The following ELOVL1 variants were observed in gnomAD, a reference collection of about 807,000 sequenced individuals.
ELOVL1 encodes very long chain fatty acid elongase 1.
A neutral mutation model predicts 37.8 loss-of-function variants in ELOVL1; 10 were observed. The ratio of observed to expected loss-of-function variants is 0.26; its 90% CI spans 0.16 to 0.45. The LOEUF (loss-of-function observed/expected upper bound fraction) is 0.45. ELOVL1 is among the 20% of genes least tolerant of loss of function. The pLI, the probability that ELOVL1 is intolerant of heterozygous loss-of-function variation, is 1.00. For synonymous variants in ELOVL1, 133 were observed against 123.8 expected (o/e 1.07, Z -0.49); for missense variants, 256 against 352.7 (o/e 0.73, Z 2.20).
intron 3 of ELOVL1, 78 bp from the exon 4 acceptor site, chr1:43,365,086 A>C: frequency 6.3e-7 from 1 of 1,595,014 alleles, no homozygotes; most frequent in East Asian, 2.3e-5. Context: ...GAGGACATGG[A>C]TCTGAACCTC....
At position 43,365,631 on chromosome 1, in the gene ELOVL1, G is replaced by A. The variant is rs1647220378; in HGVS notation, c.-14-8C>T. On this transcript the variant is annotated splice_region_variant and splice_polypyrimidine_tract_variant and intron_variant, in intron 1 of 7. Coordinates refer to ENST00000372458, the MANE Select transcript of ELOVL1 (RefSeq NM_022821.4). ...CCATCCTGGCTAAGGACTCTGGGGA[G>A]GTACAGAGGGCGGATGTCAGACAGA... is the stretch of plus-strand genomic sequence containing the variant. The A allele has an allele frequency of 6.2e-7, 1 of 1,614,064 alleles. No homozygotes were observed. Among genetic ancestry groups the A allele is most frequent in the Non-Finnish European group, 8.5e-7 (1 of 1,179,964 alleles).
rs1647207757 is a variant in ELOVL1 at position 43,365,015 on chromosome 1, A to T, written c.238-7T>A. The T allele has an allele frequency of 2.5e-6, 4 of 1,612,488 alleles. No individual in the cohort carries two copies. Among genetic ancestry groups the T allele is most frequent in the African/African-American group, 1.3e-5 (1 of 74,982 alleles). ...GCCAGCCCGACATCAGGAACTGGGA[A>T]GGGATGTGGATTAGACCACCAGAGT... On this transcript the variant is annotated splice_polypyrimidine_tract_variant and splice_region_variant and intron_variant, in intron 3 of 7. Coordinates refer to ENST00000372458, the MANE Select transcript of ELOVL1 (RefSeq NM_022821.4).
chr1:43,364,726 A>C lies in ELOVL1; in HGVS notation c.375+12T>G. 1 of 1,614,190 alleles carries C rather than the reference A, an allele frequency of 6.2e-7. No homozygotes were observed. Among genetic ancestry groups the C allele is most frequent in the South Asian group, 1.1e-5 (1 of 91,090 alleles). On this transcript the variant is annotated intron_variant, in intron 5 of 7. Transcript: ENST00000372458. The surrounding 1 kb of genome is among the most constrained non-coding windows in gnomAD (Gnocchi z 5.2). ...CTCCCCTCAAGTTCTCACATCTCAT[A>C]TAACTACTCACTGTGTCCATCAGCT...
At position 43,364,390 on chromosome 1, in the gene ELOVL1, T is replaced by C; in HGVS notation, c.552A>G (p.Leu184=). ...VHVIMYLYYG[L]SAFGPVAQPY... ...GTTGTGCCACAGGGCCAAAGGCAGA[T>C]AATCCGTAGTACAGGTACATTATGA... is the stretch of plus-strand genomic sequence containing the variant. Residue 184 remains leucine (L), a synonymous_variant, in exon 7 of 8, where the codon TTA becomes TTG. Transcript: ENST00000372458. The surrounding 1 kb of genome is among the most constrained non-coding windows in gnomAD (Gnocchi z 5.2). The C allele has an allele frequency of 6.2e-7, 1 of 1,614,160 alleles. No homozygotes were observed.
rs372744275 is a variant in ELOVL1, at chr1:43,364,254, T to G, written c.618+70A>C. 3.1e-6 allele frequency: 5 copies of G among 1,611,732 alleles called. No homozygotes were observed. Among genetic ancestry groups the G allele is most frequent in the African/African-American group, 2.7e-5 (2 of 74,772 alleles). On this transcript the variant is annotated intron_variant, in intron 7 of 7. Coordinates refer to ENST00000372458, the MANE Select transcript of ELOVL1 (RefSeq NM_022821.4). The surrounding 1 kb of genome is among the most constrained non-coding windows in gnomAD (Gnocchi z 5.2). ...AGATGGGGTCAAAGGTGAGACAGACTGGATAAAGGCAGGATCCAGGCTAGG... is the reference window on the plus strand; with the variant it reads ...AGATGGGGTCAAAGGTGAGACAGACGGGATAAAGGCAGGATCCAGGCTAGG...
In ELOVL1 at chr1:43,363,674, C is replaced by A; in HGVS notation, c.*242G>T. On this transcript the variant is annotated 3_prime_UTR_variant, in exon 8 of 8. Transcript: ENST00000372458. ...GAAATAACTGTACAGCCCTTTTAGCCCCCAGCTCTGGAGTGGCAGACAGCA... is the reference window on the plus strand; with the variant it reads ...GAAATAACTGTACAGCCCTTTTAGCACCCAGCTCTGGAGTGGCAGACAGCA... 1 of 551,614 alleles carries A rather than the reference C, an allele frequency of 1.8e-6. No individual in the cohort carries two copies. The allele number at this position is 551,614 out of a possible 1,614,324, so 34.2% of individuals were successfully genotyped here.
chr1:43,365,990 C>T (rs928477135), intron 1 of ELOVL1, among the ~76,000 whole-genome samples: 2 of 152,078 alleles, frequency 1.3e-5, no homozygotes, highest in African/African-American at 4.8e-5. Flanking sequence ...TGAACTCCGT[C>T]TCCCTTCCTC....
chr1:43,366,462 G>C (rs1056449956), intron 1 of ELOVL1: 1 of 154,600 alleles, frequency 6.5e-6, no homozygotes, highest in Non-Finnish European at 1.4e-5. Context: ...GTCAGTGCCT[G>C]GGGGAGCAGG....
At position 43,363,691 on chromosome 1, in the gene ELOVL1, C is replaced by G; in HGVS notation, c.*225G>C. 1 of 569,360 alleles carries G rather than the reference C, an allele frequency of 1.8e-6. No individual in the cohort carries two copies. Among genetic ancestry groups the G allele is most frequent in the Non-Finnish European group, 3.1e-6 (1 of 318,550 alleles). The allele number at this position is 569,360 out of a possible 1,614,324, so 35.3% of individuals were successfully genotyped here. A position where few individuals can be genotyped will look rare whatever the true frequency, so the allele number is the denominator to read the frequency against. ...CTTTTAGCCCCCAGCTCTGGAGTGG[C>G]AGACAGCAATGAGGCCACATCCCTG... On this transcript the variant is annotated 3_prime_UTR_variant, in exon 8 of 8. Coordinates refer to ENST00000372458, the MANE Select transcript of ELOVL1 (RefSeq NM_022821.4).
chr1:43,364,983 G>T lies in ELOVL1; in HGVS notation c.263C>A (p.Thr88Asn). The change falls in exon 4 of 8, where the codon ACC (threonine) becomes AAC (asparagine). Residue 88 changes from threonine (T) to asparagine (N), a missense_variant. Physicochemically the swap from Thr to Asn is moderately conservative, Grantham distance 65. Around this residue, in one of 3 missense-constraint regions of ELOVL1, gnomAD observed 158 missense variants for 189.4 expected, o/e 0.83. Coordinates refer to ENST00000372458, the MANE Select transcript of ELOVL1 (RefSeq NM_022821.4). This position sits in a 1 kb window ranked among gnomAD's most constrained non-coding sequence, Gnocchi z 5.2. ...YEFLMSGWLS[T>N]YTWRCDPVDY... ...CACAGGGTCACAGCGCCAGGTATAG[G>T]TGCTCAGCCAGCCCGACATCAGGAA... 1 of 1,613,860 alleles carries T rather than the reference G, an allele frequency of 6.2e-7. No individual in the cohort carries two copies. Among genetic ancestry groups the T allele is most frequent in the East Asian group, 2.2e-5 (1 of 44,864 alleles).
chr1:43,364,478 GAC>G lies in ELOVL1; in HGVS notation c.482-20_482-19del. 9.3e-6 allele frequency: 15 copies of G among 1,614,056 alleles called. No individual in the cohort carries two copies. The highest frequency in any genetic ancestry group is 1.2e-5 in the Non-Finnish European group (14 of 1,179,968). ...CATTCCTCCTGTGAGTGGACAATAA[GAC>G]AGGGTCAGCAGAGTCCAGCCTCTGG... is the stretch of plus-strand genomic sequence containing the variant. On this transcript the variant is annotated intron_variant, in intron 6 of 7. Coordinates refer to ENST00000372458, the MANE Select transcript of ELOVL1 (RefSeq NM_022821.4). The surrounding 1 kb of genome is among the most constrained non-coding windows in gnomAD (Gnocchi z 5.2).
At position 43,363,718 on chromosome 1, in the gene ELOVL1, A is replaced by AGCT; in HGVS notation, c.*195_*197dup. ...GACAGCAATGAGGCCACATCCCTGG[A>AGCT]GCTGCCCGGGGGAAGTGGGTGAGGA... On this transcript the variant is annotated 3_prime_UTR_variant, in exon 8 of 8. Transcript: ENST00000372458. 1.7e-6 allele frequency: 1 copy of AGCT among 594,290 alleles called. No homozygotes were observed. Among genetic ancestry groups the AGCT allele is most frequent in the Non-Finnish European group, 3.0e-6 (1 of 335,190 alleles). 36.8% of individuals were successfully genotyped at this position (594,290 alleles called of 1,614,324 possible).
At position 43,364,285 on chromosome 1, in the gene ELOVL1, G is replaced by A. The variant is rs746756197; in HGVS notation, c.618+39C>T. 5 of 1,613,606 alleles carry A rather than the reference G, an allele frequency of 3.1e-6. No homozygotes were observed. The highest frequency in any genetic ancestry group is 1.1e-5 in the South Asian group (1 of 91,034). On this transcript the variant is annotated intron_variant, in intron 7 of 7. Transcript: ENST00000372458. This position sits in a 1 kb window ranked among gnomAD's most constrained non-coding sequence, Gnocchi z 5.2. ...AAGGCAGGATCCAGGCTAGGAATGT[G>A]GGGGGATGGTTATAGGTAAGTCAGG...
In ELOVL1 at chr1:43,364,266, G is replaced by A. The variant is rs1345074310; in HGVS notation, c.618+58C>T. On this transcript the variant is annotated intron_variant, in intron 7 of 7. Coordinates refer to ENST00000372458, the MANE Select transcript of ELOVL1 (RefSeq NM_022821.4). The surrounding 1 kb of genome is among the most constrained non-coding windows in gnomAD (Gnocchi z 5.2). Reference sequence around the variant, plus strand: ...AGGTGAGACAGACTGGATAAAGGCAGGATCCAGGCTAGGAATGTGGGGGGA... The same window carrying A: ...AGGTGAGACAGACTGGATAAAGGCAAGATCCAGGCTAGGAATGTGGGGGGA... 6.2e-7 allele frequency: 1 copy of A among 1,612,858 alleles called. No individual in the cohort carries two copies. Among genetic ancestry groups the A allele is most frequent in the Non-Finnish European group, 8.5e-7 (1 of 1,179,502 alleles).
Position 43,365,389 on chromosome 1 carries a change from G to A in ELOVL1, c.47-13C>T. ...TGGATCCGGGGATCTATGAATAAGG[G>A]TCAAAGGAATCAGGAAGAGTCACAG... is the stretch of plus-strand genomic sequence containing the variant. On this transcript the variant is annotated splice_polypyrimidine_tract_variant and intron_variant, in intron 2 of 7. Transcript: ENST00000372458. 6.2e-7 allele frequency: 1 copy of A among 1,610,088 alleles called. No homozygotes were observed. The highest frequency in any genetic ancestry group is 1.1e-5 in the South Asian group (1 of 90,720).
Position 43,363,773 on chromosome 1 carries a change from G to T in ELOVL1, c.*143C>A. 1.4e-6 allele frequency: 1 copy of T among 724,002 alleles called. No individual in the cohort carries two copies. Among genetic ancestry groups the T allele is most frequent in the Non-Finnish European group, 2.3e-6 (1 of 433,922 alleles). 44.8% of individuals were successfully genotyped at this position (724,002 alleles called of 1,614,324 possible). On this transcript the variant is annotated 3_prime_UTR_variant, in exon 8 of 8. Coordinates refer to ENST00000372458, the MANE Select transcript of ELOVL1 (RefSeq NM_022821.4). ...AAGCCGTGGTCCCTGTAGAGCAGCT[G>T]TGGGGAGGGGAGGGCCAGTCCCCTG...
At position 43,363,555 on chromosome 1, in the gene ELOVL1, T is replaced by C; in HGVS notation, c.*361A>G. ...TGAGACTGGGTCCACAGTGACATTA[T>C]TGCTGACCTCTTCTGTGTGAGGAAA... is the stretch of plus-strand genomic sequence containing the variant. On this transcript the variant is annotated 3_prime_UTR_variant, in exon 8 of 8. Transcript: ENST00000372458. The C allele has an allele frequency of 2.6e-6, 1 of 383,038 alleles. No homozygotes were observed. Among genetic ancestry groups the C allele is most frequent in the Non-Finnish European group, 4.8e-6 (1 of 207,918 alleles). The allele number at this position is 383,038 out of a possible 1,614,324, so 23.7% of individuals were successfully genotyped here.
intron 1 of ELOVL1, among the ~76,000 whole-genome samples, chr1:43,365,912 C>T (rs1355125606): frequency 6.6e-6 from 1 of 152,010 alleles, no homozygotes; most frequent in Non-Finnish European, 1.5e-5. Flanking sequence ...CCCTCTTCCT[C>T]CACAAGATAA....
rs1647194692 is a variant in ELOVL1, at chr1:43,364,218, T to C, written c.619-81A>G. The C allele has an allele frequency of 6.2e-7, 1 of 1,608,266 alleles. No individual in the cohort carries two copies. Among genetic ancestry groups the C allele is most frequent in the Admixed American group, 1.7e-5 (1 of 59,752 alleles). ...AGGGGGTAGAGAAAGAGACAAACGT[T>C]GAGTAGGGAGAGATGGGGTCAAAGG... On this transcript the variant is annotated intron_variant, in intron 7 of 7. Coordinates refer to ENST00000372458, the MANE Select transcript of ELOVL1 (RefSeq NM_022821.4). The surrounding 1 kb of genome is among the most constrained non-coding windows in gnomAD (Gnocchi z 5.2).
Sources: gnomAD v4.1 joint callset for allele counts (sites outside exome capture counted in the v4.1 genomes callset) on GRCh38, gnomAD v4.1.1 for gene constraint, gnomAD v4.1.1 regional missense constraint, Gnocchi (gnomAD v3.1) non-coding constraint, MANE v1.5 for transcripts, NCBI Gene and HGNC (gene_info 2026-07-23, HGNC 2026-07-21) for gene names.